Variants in PBX3 observed in about 807,000 individuals in gnomAD.
PBX3 encodes pre-B-cell leukemia transcription factor 3.
Under a neutral mutation model 48.5 loss-of-function variants are expected in PBX3, and 14 were observed. The observed-to-expected ratio is 0.29, with a 90% CI of 0.19 to 0.45. The LOEUF (loss-of-function observed/expected upper bound fraction) is 0.45. Ranked by LOEUF, PBX3 falls within the 20% of genes least tolerant of loss-of-function variation. The pLI, the probability that PBX3 is intolerant of heterozygous loss-of-function variation, is 1.00. For missense variants in PBX3, 386 were observed against 546.7 expected (o/e 0.71, Z 2.93); for synonymous variants, 210 against 200.3 (o/e 1.05, Z -0.41).
At chr9:125,964,639 A>G (rs1482893762) in intron 8 of PBX3, among the ~76,000 whole-genome samples, 3 of 152,004 alleles carry the variant, frequency 2.0e-5, no homozygotes, top group Non-Finnish European at 2.9e-5. Context: ...TCATAGAGGT[A>G]GAAAAGGTGC....
chr9:125,827,849 A>G (rs1212410748), intron 2 of PBX3, among the ~76,000 whole-genome samples: 3 of 152,164 alleles, frequency 2.0e-5, no homozygotes, highest in Admixed American at 2.0e-4. Context: ...TGTTGGGTTT[A>G]TAGAGTATGT....
At chr9:125,884,062 A>C (rs1840443776) in intron 2 of PBX3, among the ~76,000 whole-genome samples, 1 of 152,144 alleles carries the variant, frequency 6.6e-6, no homozygotes, top group Non-Finnish European at 1.5e-5. Flanking sequence ...ATTAATCCTT[A>C]ATTACAGTAA....
At chr9:125,913,969 T>C (rs1365270408) in intron 2 of PBX3, among the ~76,000 whole-genome samples, 2 of 152,176 alleles carry the variant, frequency 1.3e-5, no homozygotes, top group Non-Finnish European at 1.5e-5. Flanking sequence ...AAAAACTTGC[T>C]ATGTGAACTA....
intron 2 of PBX3, among the ~76,000 whole-genome samples, chr9:125,824,774 G>A (rs1564675560): frequency 6.6e-6 from 1 of 151,492 alleles, no homozygotes; most frequent in Non-Finnish European, 1.5e-5. Flanking sequence ...CTCCAGAAAT[G>A]GCTGATCTCA....
At chr9:125,919,320 TCTC>T (rs2132478852) in intron 3 of PBX3, among the ~76,000 whole-genome samples, 1 of 151,778 alleles carries the variant, frequency 6.6e-6, no homozygotes, top group Admixed American at 6.6e-5. Context: ...TTCAAGCAAT[TCTC>T]CTGGGATTAC....
chr9:125,885,706 G>A (rs1428487364), intron 2 of PBX3, among the ~76,000 whole-genome samples: 1 of 152,068 alleles, frequency 6.6e-6, no homozygotes, highest in Non-Finnish European at 1.5e-5. Context: ...TTAGGATAAT[G>A]AGGATTTATA....
intron 2 of PBX3, among the ~76,000 whole-genome samples, chr9:125,882,956 T>C (rs527714758): frequency 1.3e-5 from 2 of 152,330 alleles, no homozygotes; most frequent in Admixed American, 6.5e-5. Flanking sequence ...TGACAGAAGG[T>C]CCATTTACAT....
At chr9:125,919,359 A>ATTTTTTTTTTTTTTTT (rs34891465) in intron 3 of PBX3, among the ~76,000 whole-genome samples, 3 of 102,750 alleles carry the variant, frequency 2.9e-5, no homozygotes, top group African/African-American at 7.6e-5. Flanking sequence ...TGCCCGTCTA[A>ATTTTTTTTTTTTTTTT]TTTTTTTTTT....
intron 2 of PBX3, among the ~76,000 whole-genome samples, chr9:125,915,176 A>G (rs1841297020): frequency 6.6e-6 from 1 of 152,120 alleles, no homozygotes; most frequent in African/African-American, 2.4e-5. Flanking sequence ...AGCTCATCTA[A>G]TGTTGTTTAT....
intron 2 of PBX3, among the ~76,000 whole-genome samples, chr9:125,780,286 G>T (rs1837225349): frequency 7.3e-6 from 1 of 137,172 alleles, no homozygotes; most frequent in Non-Finnish European, 1.6e-5. Flanking sequence ...GCCCGGCAGA[G>T]GGGCTCCTCA....
Position 125,899,320 on chromosome 9 carries a change from T to TA in PBX3, c.275-16366_275-16365insA, listed in dbSNP as rs1564163359. Among the ~76,000 whole-genome samples, 41 of 106,350 alleles carry TA rather than the reference T, an allele frequency of 3.9e-4. 2 individuals carry two copies. Among genetic ancestry groups the TA allele is most frequent in the African/African-American group, 1.6e-3 (36 of 23,148 alleles). The allele number at this position is 106,350 out of a possible 152,430, so 69.8% of individuals were successfully genotyped here. A position where few individuals can be genotyped will look rare whatever the true frequency, so the allele number is the denominator to read the frequency against. On this transcript the variant is annotated intron_variant, in intron 2 of 8. Transcript: ENST00000373489. ...ATAAATATACATATATGTATATATTTTTATATAAATATATACATATATGTA... is the reference window on the plus strand; with the variant it reads ...ATAAATATACATATATGTATATATTTATTATATAAATATATACATATATGTA...
At chr9:125,880,286 G>A (rs957734699) in intron 2 of PBX3, among the ~76,000 whole-genome samples, 2 of 152,104 alleles carry the variant, frequency 1.3e-5, no homozygotes, top group East Asian at 1.9e-4. Context: ...CTCGTGATCC[G>A]CCTGCCTCGG....
At chr9:125,855,198 G>C (rs1250932277) in intron 2 of PBX3, among the ~76,000 whole-genome samples, 1 of 152,136 alleles carries the variant, frequency 6.6e-6, no homozygotes, top group Non-Finnish European at 1.5e-5. Flanking sequence ...AAACTAAGCA[G>C]AATGGAATCA....
rs538498804 is a variant in PBX3 at position 125,893,612 on chromosome 9, T to C, written c.275-22074T>C. Among the ~76,000 whole-genome samples the C allele has an allele frequency of 4.6e-5, 7 of 152,344 alleles. No homozygotes were observed. The East Asian group carries it at 1.4e-3, about 29-fold the overall frequency. On this transcript the variant is annotated intron_variant, in intron 2 of 8. Coordinates refer to ENST00000373489, the MANE Select transcript of PBX3 (RefSeq NM_006195.6). The stretch of plus-strand genomic sequence containing the variant: ...CATGTGATTGTTTGAAAGAATGCTG[T>C]ATTTCATTTTTATTGTAATGCATGT...
intron 5 of PBX3, chr9:125,949,371 C>A: frequency 1.3e-6 from 2 of 1,550,628 alleles, no homozygotes; most frequent in Non-Finnish European, 1.7e-6. Context: ...TCTTGCCGGG[C>A]ATACAGAGTC....
chr9:125,765,298 G>T (rs986970234), intron 2 of PBX3, among the ~76,000 whole-genome samples: 1 of 151,712 alleles, frequency 6.6e-6, no homozygotes, highest in African/African-American at 2.4e-5. Context: ...ACAGGCGCGC[G>T]CCACTGTGCC....
intron 2 of PBX3, among the ~76,000 whole-genome samples, chr9:125,777,808 A>T (rs1386646263): frequency 6.6e-6 from 1 of 152,014 alleles, no homozygotes; most frequent in Non-Finnish European, 1.5e-5. Context: ...TCTTAAGGTA[A>T]TTTGTGTGTT....
Position 125,871,120 on chromosome 9 carries a change from C to A in PBX3, c.275-44566C>A, listed in dbSNP as rs138581797. Reference sequence around the variant, plus strand: ...TGGCTAAAAACTAGAAAAAATAGGCCGGATGCAGTGGCTCACGCCTGTAAT... The same window carrying A: ...TGGCTAAAAACTAGAAAAAATAGGCAGGATGCAGTGGCTCACGCCTGTAAT... On this transcript the variant is annotated intron_variant, in intron 2 of 8. Coordinates refer to ENST00000373489, the MANE Select transcript of PBX3 (RefSeq NM_006195.6). 2.6e-5 allele frequency among the ~76,000 whole-genome samples: 4 copies of A among 152,028 alleles called. No homozygotes were observed. The East Asian group carries it at 7.7e-4, about 29-fold the overall frequency.
chr9:125,946,969 A>G (rs1315722565), intron 5 of PBX3, among the ~76,000 whole-genome samples: 1 of 152,178 alleles, frequency 6.6e-6, no homozygotes, highest in African/African-American at 2.4e-5. Context: ...TAAAACAACA[A>G]TTCAATGACC....
Sources: gnomAD v4.1 joint callset for allele counts (sites outside exome capture counted in the v4.1 genomes callset) on GRCh38, gnomAD v4.1.1 for gene constraint, MANE v1.5 for transcripts, NCBI Gene and HGNC (gene_info 2026-07-23, HGNC 2026-07-21) for gene names.